Variants in ACSM2B observed in about 807,000 individuals in gnomAD.
ACSM2B encodes acyl-coenzyme A synthetase ACSM2B, mitochondrial.
Under a neutral mutation model 78.6 loss-of-function variants are expected in ACSM2B, and 58 were observed. That is an observed-to-expected ratio of 0.74 (90% CI 0.60 to 0.92). The LOEUF (loss-of-function observed/expected upper bound fraction) is 0.92. Ranked by LOEUF, ACSM2B falls within the 40% of genes least tolerant of loss-of-function variation. ACSM2B has a pLI of 0.00. For synonymous variants in ACSM2B, 257 were observed against 256.8 expected, an observed-to-expected ratio of 1.00 and a Z score of -0.01; for missense variants, 688 against 711.2, an observed-to-expected ratio of 0.97 and a Z score of 0.37.
At chr16:20,571,330 A>G (rs1182235211) in intron 1 of ACSM2B, among the ~76,000 whole-genome samples, 3 of 151,996 alleles carry the variant, frequency 2.0e-5, no homozygotes, top group Non-Finnish European at 2.9e-5. Flanking sequence ...TGTTGATCCA[A>G]TGATCATTCA....
chr16:20,546,150 T>C (rs1011126822), intron 9 of ACSM2B, among the ~76,000 whole-genome samples: 14 of 152,316 alleles, frequency 9.2e-5, no homozygotes, highest in Middle Eastern at 3.4e-3. Context: ...GTATACTGTC[T>C]AGCTAATTTG....
At chr16:20,540,962 A>T (rs1358698460) in intron 12 of ACSM2B, 189 bp from the exon 13 acceptor site, 2 of 780,490 alleles carry the variant, frequency 2.6e-6, no homozygotes, top group Non-Finnish European at 3.7e-6. Flanking sequence ...GAAGTCGTTT[A>T]TTGGAGGAGC....
At chr16:20,564,604 T>C (rs976908937) in intron 2 of ACSM2B, 65 bp downstream of exon 2, 57 of 1,544,738 alleles carry the variant, frequency 3.7e-5, no homozygotes, top group Middle Eastern at 3.4e-4. Flanking sequence ...ATTTACTGAA[T>C]TAATGGATGA....
chr16:20,539,623 C>G (rs1183180693), intron 13 of ACSM2B, among the ~76,000 whole-genome samples: 1 of 152,000 alleles, frequency 6.6e-6, no homozygotes, highest in Non-Finnish European at 1.5e-5. Context: ...CCCCCATCCC[C>G]CCTGCACTTT....
At chr16:20,552,039 G>C in intron 6 of ACSM2B, 105 bp downstream of exon 6, 1 of 1,516,254 alleles carries the variant, frequency 6.6e-7, no homozygotes, top group Non-Finnish European at 8.8e-7. Context: ...CCACATGGCA[G>C]AGGTTTAGCA....
At chr16:20,549,604 C>G in intron 6 of ACSM2B, 1 of 270,222 alleles carries the variant, frequency 3.7e-6, no homozygotes, top group East Asian at 1.2e-4. Context: ...AGGAGCCAAA[C>G]TCTGTAAAAT....
At chr16:20,540,131 A>C (rs1288834487) in intron 13 of ACSM2B, among the ~76,000 whole-genome samples, 1 of 152,014 alleles carries the variant, frequency 6.6e-6, no homozygotes, top group Non-Finnish European at 1.5e-5. Context: ...ATTCAGAGTG[A>C]GTCAAAAGCT....
At chr16:20,553,430 C>T (rs2015377136) in intron 5 of ACSM2B, among the ~76,000 whole-genome samples, 1 of 152,134 alleles carries the variant, frequency 6.6e-6, no homozygotes, top group Admixed American at 6.6e-5. Context: ...AAAAACTGCC[C>T]TCTTGGAGTG....
chr16:20,564,041 C>A (rs1171195851), intron 2 of ACSM2B, among the ~76,000 whole-genome samples: 1 of 151,322 alleles, frequency 6.6e-6, no homozygotes, highest in Non-Finnish European at 1.5e-5. Flanking sequence ...TACTTGCACA[C>A]CTCTATTGAC....
At position 20,537,018 on chromosome 16, in the gene ACSM2B, C is replaced by A; in HGVS notation, c.*240G>T. The stretch of plus-strand genomic sequence containing the variant: ...TTTCTCTTGCAGTTTTTAACATTTC[C>A]CTGACTTACTTTTCTTTCCTCTTTT... On this transcript the variant is annotated 3_prime_UTR_variant, in exon 14 of 14. Transcript: ENST00000329697. The A allele has an allele frequency of 5.0e-6, 2 of 403,972 alleles. No homozygotes were observed. Among genetic ancestry groups the A allele is most frequent in the Non-Finnish European group, 4.3e-6 (1 of 232,452 alleles). 25.0% of individuals were successfully genotyped at this position (403,972 alleles called of 1,614,324 possible). A position where few individuals can be genotyped will look rare whatever the true frequency, so the allele number is the denominator to read the frequency against.
intron 8 of ACSM2B, chr16:20,547,113 G>T: frequency 1.2e-5 from 12 of 1,003,328 alleles, no homozygotes; most frequent in Non-Finnish European, 1.3e-5. Flanking sequence ...GACACCAGAT[G>T]TCACAATGAC....
Position 20,547,212 on chromosome 16 carries a change from G to A in ACSM2B, c.1099-738C>T, listed in dbSNP as rs533397568. 19 of 987,904 alleles carry A rather than the reference G, an allele frequency of 1.9e-5. No individual in the cohort carries two copies. The Middle Eastern group carries it at 4.2e-3, about 217-fold the overall frequency. 61.2% of individuals were successfully genotyped at this position (987,904 alleles called of 1,614,324 possible). ...GGCTGCTGAGTGATTAAGATCATGG[G>A]AATCTGAGTGTCCTTGTAAGCATAT... On this transcript the variant is annotated intron_variant, in intron 8 of 13. Coordinates refer to ENST00000329697, the MANE Select transcript of ACSM2B (RefSeq NM_001105069.2).
chr16:20,551,507 G>C (rs1023847418), intron 6 of ACSM2B, among the ~76,000 whole-genome samples: 1 of 152,004 alleles, frequency 6.6e-6, no homozygotes, highest in African/African-American at 2.4e-5. Flanking sequence ...GCCAGGAAGA[G>C]AGGGCTTCCC....
At chr16:20,552,106 C>T (rs775304436) in intron 6 of ACSM2B, 38 bp downstream of exon 6, 17 of 1,557,896 alleles carry the variant, frequency 1.1e-5, no homozygotes, top group Non-Finnish European at 1.5e-5. Flanking sequence ...ACCTCGGGCT[C>T]ACTCTGAATA....
At chr16:20,559,996 T>A (rs910081428) in intron 2 of ACSM2B, among the ~76,000 whole-genome samples, 1 of 151,126 alleles carries the variant, frequency 6.6e-6, no homozygotes, top group Non-Finnish European at 1.5e-5. Flanking sequence ...CTTACTTTTT[T>A]TAATTTTGTG....
intron 7 of ACSM2B, 69 bp downstream of exon 7, chr16:20,548,325 C>T (rs1197063781): frequency 4.4e-5 from 71 of 1,606,704 alleles, no homozygotes; most frequent in Non-Finnish European, 5.7e-5. Context: ...GATAGATAGG[C>T]ATGAATGTAT....
intron 5 of ACSM2B, 64 bp downstream of exon 5, chr16:20,553,713 G>A: frequency 6.3e-7 from 1 of 1,575,780 alleles, no homozygotes; most frequent in Non-Finnish European, 8.6e-7. Context: ...CATTGGATTT[G>A]AACTCAGAAA....
chr16:20,553,655 T>C, intron 5 of ACSM2B, 122 bp downstream of exon 5: 1 of 1,457,866 alleles, frequency 6.9e-7, no homozygotes, highest in South Asian at 1.4e-5. Context: ...TAGCTTTCCT[T>C]CTGAATTTTC....
At chr16:20,570,989 G>A (rs2016078415) in intron 1 of ACSM2B, among the ~76,000 whole-genome samples, 1 of 151,536 alleles carries the variant, frequency 6.6e-6, no homozygotes, top group Admixed American at 6.6e-5. Context: ...CTTCCTAATG[G>A]TCTATCAATC....
Sources: gnomAD v4.1 joint callset for allele counts (sites outside exome capture counted in the v4.1 genomes callset) on GRCh38, gnomAD v4.1.1 for gene constraint, MANE v1.5 for transcripts, NCBI Gene and HGNC (gene_info 2026-07-23, HGNC 2026-07-21) for gene names.